DISC1: variants seen among roughly 807,000 people sequenced by gnomAD.
DISC1 encodes DISC1 scaffold protein, also known as disrupted in schizophrenia 1 protein.
In DISC1, 57 loss-of-function variants were observed where a neutral mutation model predicts 84.5. The observed-to-expected ratio is 0.67, with a 90% CI of 0.55 to 0.84. DISC1 has a LOEUF of 0.84. Among genes scored for constraint, DISC1 ranks in the 40% least tolerant of loss-of-function variants. The probability of loss-of-function intolerance (pLI) is 0.00; values close to 1 mark genes in which losing one functional copy is unlikely to be tolerated. For missense variants in DISC1, 1,000 were observed against 1,057.8 expected (o/e 0.95, Z 0.76); for synonymous variants, 411 against 415.2 (o/e 0.99, Z 0.12).
At chr1:231,840,528 CTGAG>C (rs1016134245) in intron 9 of DISC1, among the ~76,000 whole-genome samples, 18 of 152,168 alleles carry the variant, frequency 1.2e-4, no homozygotes, top group African/African-American at 4.1e-4. Context: ...ATGCATTGTA[CTGAG>C]TGAAAGAAAC....
At chr1:231,821,999 C>A (rs1297131049) in intron 9 of DISC1, among the ~76,000 whole-genome samples, 1 of 152,160 alleles carries the variant, frequency 6.6e-6, no homozygotes, top group Non-Finnish European at 1.5e-5. Context: ...CCGCGCCCGG[C>A]CTACAACTGC....
intron 9 of DISC1, among the ~76,000 whole-genome samples, chr1:231,929,500 C>G (rs1028363849): frequency 6.6e-6 from 1 of 152,234 alleles, no homozygotes; most frequent in South Asian, 2.1e-4. Flanking sequence ...TGTTATTTTT[C>G]CCAGGCTTAA....
chr1:232,022,613 A>G (rs1669067389), intron 11 of DISC1, among the ~76,000 whole-genome samples: 1 of 152,026 alleles, frequency 6.6e-6, no homozygotes, highest in Non-Finnish European at 1.5e-5. Flanking sequence ...GCCAATACCC[A>G]TGGTTCTGAT....
At chr1:232,004,670 C>A (rs1244937070) in intron 10 of DISC1, among the ~76,000 whole-genome samples, 1 of 152,040 alleles carries the variant, frequency 6.6e-6, no homozygotes, top group South Asian at 2.1e-4. Flanking sequence ...TGGAGAAATA[C>A]AACTTCAAAC....
chr1:231,715,819 T>G (rs2125057965), intron 3 of DISC1, among the ~76,000 whole-genome samples: 1 of 152,316 alleles, frequency 6.6e-6, no homozygotes, highest in South Asian at 2.1e-4. Flanking sequence ...TATTGTTAGT[T>G]GAGGTATAGT....
intron 6 of DISC1, among the ~76,000 whole-genome samples, chr1:231,773,813 T>G (rs757874407): frequency 3.3e-5 from 5 of 152,194 alleles, no homozygotes; most frequent in Non-Finnish European, 7.3e-5. Flanking sequence ...TCTGGGAGAA[T>G]CCACCATCCC....
At chr1:231,961,466 G>C (rs1346670472) in intron 10 of DISC1, among the ~76,000 whole-genome samples, 2 of 152,130 alleles carry the variant, frequency 1.3e-5, no homozygotes, top group African/African-American at 4.8e-5. Flanking sequence ...GAGGTTTGGG[G>C]TATGATTGAT....
intron 6 of DISC1, among the ~76,000 whole-genome samples, chr1:231,787,457 A>G (rs1355348948): frequency 6.6e-6 from 1 of 151,986 alleles, no homozygotes; most frequent in Non-Finnish European, 1.5e-5. Context: ...AGACAGAGAG[A>G]GAAAGAGAGA....
chr1:231,849,054 G>A (rs1203495636), intron 9 of DISC1, among the ~76,000 whole-genome samples: 1 of 151,938 alleles, frequency 6.6e-6, no homozygotes. Context: ...CTTTGTACCT[G>A]CTGAGCTTCT....
intron 10 of DISC1, among the ~76,000 whole-genome samples, chr1:231,970,321 G>A (rs1558793971): frequency 6.6e-6 from 1 of 152,178 alleles, no homozygotes; most frequent in Non-Finnish European, 1.5e-5. Flanking sequence ...ATCTCATTGT[G>A]GTTTTGATTT....
intron 9 of DISC1, among the ~76,000 whole-genome samples, chr1:231,850,689 TTTCTC>T (rs1195017461): frequency 5.9e-5 from 9 of 152,222 alleles, no homozygotes; most frequent in East Asian, 1.9e-4. Context: ...AAAGAAGAGA[TTTCTC>T]TTGTCTTGTA....
At chr1:231,768,548 ACAGT>A (rs60264559) in intron 5 of DISC1, among the ~76,000 whole-genome samples, 21,364 of 152,152 alleles carry the variant, frequency 0.14, 1,542 homozygotes, top group South Asian at 0.19. Flanking sequence ...AATTCCTGAG[ACAGT>A]CAGAGTGTAC....
intron 1 of DISC1, among the ~76,000 whole-genome samples, chr1:231,662,564 C>T (rs557585682): frequency 5.5e-4 from 83 of 152,182 alleles, no homozygotes; most frequent in Non-Finnish European, 1.0e-3. Flanking sequence ...TGTGGGGGGC[C>T]CTTCCTCATC....
chr1:231,952,826 C>T (rs907978543), intron 9 of DISC1, among the ~76,000 whole-genome samples: 1 of 151,658 alleles, frequency 6.6e-6, no homozygotes, highest in African/African-American at 2.4e-5. Flanking sequence ...TTATTGATGG[C>T]TGGTCTTTGC....
At chr1:231,837,031 C>T (rs1020708161) in intron 9 of DISC1, among the ~76,000 whole-genome samples, 1 of 152,124 alleles carries the variant, frequency 6.6e-6, no homozygotes, top group African/African-American at 2.4e-5. Context: ...TTAATAGCAT[C>T]TATGAAGAAG....
At chr1:231,652,883 G>T (rs149436738) in intron 1 of DISC1, among the ~76,000 whole-genome samples, 2,436 of 152,270 alleles carry the variant, frequency 0.016, 70 homozygotes, top group African/African-American at 0.055. Context: ...TGGTTCAAGC[G>T]ATTGTTCTGT....
intron 3 of DISC1, among the ~76,000 whole-genome samples, chr1:231,730,920 A>G (rs1402356287): frequency 6.6e-6 from 1 of 152,218 alleles, no homozygotes; most frequent in Admixed American, 6.5e-5. Flanking sequence ...ATTTTTATGC[A>G]GGAGAGCCTG....
At chr1:231,785,257 TTTTATTTATTTATTTA>T (rs71573142) in intron 6 of DISC1, among the ~76,000 whole-genome samples, 27 of 104,898 alleles carry the variant, frequency 2.6e-4, no homozygotes, top group East Asian at 1.6e-3. Flanking sequence ...GTGTGTGTTA[TTTTATTTATTTATTTA>T]TTTATTTATT....
intron 10 of DISC1, among the ~76,000 whole-genome samples, chr1:231,965,800 T>G (rs988215142): frequency 1.3e-5 from 2 of 152,336 alleles, no homozygotes; most frequent in Admixed American, 6.5e-5. Flanking sequence ...GTGCTCACAC[T>G]CATCCTTATG....
Sources: gnomAD v4.1 joint callset for allele counts (sites outside exome capture counted in the v4.1 genomes callset) on GRCh38, gnomAD v4.1.1 for gene constraint, MANE v1.5 for transcripts, NCBI Gene and HGNC (gene_info 2026-07-23, HGNC 2026-07-21) for gene names.